The following TTC7A variants were observed in gnomAD, a reference collection of about 807,000 sequenced individuals.
TTC7A encodes tetratricopeptide repeat protein 7A.
In TTC7A, 110 loss-of-function variants were observed where a neutral mutation model predicts 103.7. The ratio of observed to expected loss-of-function variants is 1.06; its 90% CI spans 0.91 to 1.24. TTC7A has a LOEUF of 1.24. Ranked by LOEUF, TTC7A falls within the 50% of genes most tolerant of loss-of-function variation. The pLI is 0.00. For synonymous variants in TTC7A, 521 were observed against 467.9 expected (o/e 1.11, Z -1.47); for missense variants, 1,340 against 1,116.3 (o/e 1.20, Z -2.86).
intron 10 of TTC7A, among the ~76,000 whole-genome samples, chr2:47,009,186 C>A (rs542785443): frequency 1.2e-3 from 183 of 152,234 alleles, no homozygotes; most frequent in Non-Finnish European, 2.0e-3. Context: ...CTGACAGTGC[C>A]TTCAAGCCCC....
In TTC7A at chr2:46,978,781, T is replaced by G. The variant is rs763466675; in HGVS notation, c.649-11T>G. The stretch of plus-strand genomic sequence containing the variant: ...TTGAGACAATGGCTCTCTCTCTGTT[T>G]CCCTTCCCAGACCACAAATAACAGC... On this transcript the variant is annotated splice_polypyrimidine_tract_variant and intron_variant, in intron 4 of 19. Coordinates refer to ENST00000319190, the MANE Select transcript of TTC7A (RefSeq NM_020458.4). The G allele has an allele frequency of 6.2e-7, 1 of 1,611,864 alleles. No homozygotes were observed. The highest frequency in any genetic ancestry group is 1.1e-5 in the South Asian group (1 of 91,022).
chr2:46,974,624 G>A (rs759490766), intron 3 of TTC7A: 1 of 456,972 alleles, frequency 2.2e-6, no homozygotes. Context: ...CTAGGGAAAA[G>A]GAGGAAAGAG....
rs113037398 is a variant in TTC7A at position 46,967,544 on chromosome 2, A to G, written c.518-7429A>G. ...GTGTCTGGCTCATTTCACTTAGTAA[A>G]ATGTCCTCAAGGCTTATCCATATTG... On this transcript the variant is annotated intron_variant, in intron 3 of 19. Transcript: ENST00000319190. 8.9e-3 allele frequency among the ~76,000 whole-genome samples: 1,360 copies of G among 152,222 alleles called. 13 individuals are homozygous for G. The highest frequency in any genetic ancestry group is 0.015 in the Non-Finnish European group (1,007 of 68,004).
At chr2:46,916,276 T>C in exon 1 of TTC7A, 2 of 679,924 alleles carry the variant, frequency 2.9e-6, no homozygotes, top group Non-Finnish European at 1.8e-6. Flanking sequence ...GGAGCCGGCC[T>C]TGGACCCTAC....
intron 2 of TTC7A, among the ~76,000 whole-genome samples, chr2:46,933,241 G>A (rs1216614690): frequency 6.6e-6 from 1 of 152,142 alleles, no homozygotes; most frequent in African/African-American, 2.4e-5. Flanking sequence ...GAAGGGACTG[G>A]GATGGTGGGA....
At chr2:47,019,717 C>T (rs894526350) in intron 11 of TTC7A, among the ~76,000 whole-genome samples, 37 of 150,988 alleles carry the variant, frequency 2.5e-4, no homozygotes, top group African/African-American at 8.9e-4. Context: ...GCATGGGTTG[C>T]AGGAGCTGAA....
intron 2 of TTC7A, among the ~76,000 whole-genome samples, chr2:46,956,317 G>T (rs1671849030): frequency 6.6e-6 from 1 of 152,170 alleles, no homozygotes; most frequent in Admixed American, 6.5e-5. Flanking sequence ...CTGTCCCTCT[G>T]CCACTGTAGG....
intron 11 of TTC7A, among the ~76,000 whole-genome samples, chr2:47,021,241 G>A (rs772516154): frequency 1.3e-5 from 2 of 152,168 alleles, no homozygotes; most frequent in Admixed American, 6.5e-5. Context: ...GCTATCCCTT[G>A]CCCCCTAAAC....
At chr2:47,045,703 T>G (rs967648241) in intron 15 of TTC7A, 3 of 152,358 alleles carry the variant, frequency 2.0e-5, no homozygotes, top group African/African-American at 7.2e-5. Flanking sequence ...ACCGCCTTCT[T>G]TGTGTATCTC....
At chr2:46,986,881 T>C (rs574201477) in intron 5 of TTC7A, among the ~76,000 whole-genome samples, 1 of 152,310 alleles carries the variant, frequency 6.6e-6, no homozygotes, top group African/African-American at 2.4e-5. Context: ...CCCAGACGCT[T>C]TCCTTGGAGC....
At chr2:46,983,322 C>T (rs1674667590) in intron 5 of TTC7A, among the ~76,000 whole-genome samples, 1 of 152,214 alleles carries the variant, frequency 6.6e-6, no homozygotes, top group Admixed American at 6.5e-5. Context: ...GCTCCACCTC[C>T]ACCATCTGCT....
intron 15 of TTC7A, chr2:47,040,317 G>A (rs1558615475): frequency 6.6e-6 from 1 of 152,272 alleles, no homozygotes; most frequent in African/African-American, 2.4e-5. Context: ...AAGCGCATGG[G>A]GTGTTTACAC....
In TTC7A at chr2:46,958,277, G is replaced by A. The variant is rs187342669; in HGVS notation, c.517+1270G>A. ...AAGATGGTCACTGTGGGTGGTCTTC[G>A]TCCTTTGCTCTCTCATCCCCCGCTC... is the stretch of plus-strand genomic sequence containing the variant. On this transcript the variant is annotated intron_variant, in intron 3 of 19. Coordinates refer to ENST00000319190, the MANE Select transcript of TTC7A (RefSeq NM_020458.4). 2.3e-3 allele frequency among the ~76,000 whole-genome samples: 352 copies of A among 152,326 alleles called. 3 individuals carry two copies. Among genetic ancestry groups the A allele is most frequent in the African/African-American group, 8.1e-3 (335 of 41,576 alleles).
intron 15 of TTC7A, among the ~76,000 whole-genome samples, chr2:47,039,951 G>A (rs1156374056): frequency 2.6e-5 from 4 of 152,234 alleles, no homozygotes; most frequent in Admixed American, 6.5e-5. Context: ...TGTGGGCTGA[G>A]ATGTCCCCTG....
At chr2:46,955,268 C>A (rs1053746054) in intron 2 of TTC7A, among the ~76,000 whole-genome samples, 1 of 152,172 alleles carries the variant, frequency 6.6e-6, no homozygotes, top group African/African-American at 2.4e-5. Flanking sequence ...GTGCAGGGAA[C>A]GCAGAGTCAC....
chr2:47,056,538 A>G (rs1414252839), intron 18 of TTC7A, among the ~76,000 whole-genome samples: 1 of 152,198 alleles, frequency 6.6e-6, no homozygotes, highest in South Asian at 2.1e-4. Context: ...GCCCATGGAA[A>G]GTGGGCCCAT....
chr2:47,016,291 G>A (rs1678648737), intron 11 of TTC7A, among the ~76,000 whole-genome samples: 2 of 152,228 alleles, frequency 1.3e-5, no homozygotes, highest in Admixed American at 1.3e-4. Flanking sequence ...GGAGAAAAAT[G>A]AAACCCTCCA....
intron 5 of TTC7A, among the ~76,000 whole-genome samples, chr2:46,983,533 A>C (rs1296358528): frequency 6.6e-6 from 1 of 152,214 alleles, no homozygotes; most frequent in Non-Finnish European, 1.5e-5. Context: ...GGCCGTCCTC[A>C]GCTGTGCCTG....
chr2:46,964,706 C>T (rs1672684951), intron 3 of TTC7A, among the ~76,000 whole-genome samples: 1 of 152,138 alleles, frequency 6.6e-6, no homozygotes, highest in Admixed American at 6.5e-5. Context: ...CAGGATGTTT[C>T]GGGGCCTGCT....
Sources: gnomAD v4.1 joint callset for allele counts (sites outside exome capture counted in the v4.1 genomes callset) on GRCh38, gnomAD v4.1.1 for gene constraint, MANE v1.5 for transcripts, NCBI Gene and HGNC (gene_info 2026-07-23, HGNC 2026-07-21) for gene names.